IQUB: variants seen among roughly 807,000 people sequenced by gnomAD.
IQUB encodes IQ motif and ubiquitin-like domain-containing protein.
IQUB carries 86 observed loss-of-function variants against 86.4 expected under a neutral mutation model. That is an observed-to-expected ratio of 1.00 (90% CI 0.84 to 1.19). The LOEUF (loss-of-function observed/expected upper bound fraction) is 1.19. Ranked by LOEUF, IQUB falls within the 50% of genes most tolerant of loss-of-function variation. The probability of loss-of-function intolerance (pLI) is 0.00; values close to 1 mark genes in which losing one functional copy is unlikely to be tolerated. For missense variants in IQUB, 946 were observed against 916.9 expected (o/e 1.03, Z -0.41); for synonymous variants, 289 against 304.5 (o/e 0.95, Z 0.53).
intron 8 of IQUB, among the ~76,000 whole-genome samples, chr7:123,476,892 A>G (rs1196816317): frequency 6.6e-6 from 1 of 152,078 alleles, no homozygotes; most frequent in Non-Finnish European, 1.5e-5. Flanking sequence ...GATGTAAAGG[A>G]CCTCTTCAAG....
At chr7:123,508,509 T>A (rs1260535667) in intron 3 of IQUB, among the ~76,000 whole-genome samples, 1 of 152,180 alleles carries the variant, frequency 6.6e-6, no homozygotes, top group East Asian at 1.9e-4. Context: ...AGAAAGCACT[T>A]TAGAGGATGC....
At chr7:123,490,256 T>C (rs1795397575) in intron 7 of IQUB, among the ~76,000 whole-genome samples, 1 of 152,084 alleles carries the variant, frequency 6.6e-6, no homozygotes, top group Non-Finnish European at 1.5e-5. Flanking sequence ...GACATATCAA[T>C]ATCAGGCAAA....
At chr7:123,479,223 G>T (rs1794889417) in intron 8 of IQUB, among the ~76,000 whole-genome samples, 1 of 152,104 alleles carries the variant, frequency 6.6e-6, no homozygotes, top group South Asian at 2.1e-4. Flanking sequence ...TATGGAAACA[G>T]ACTATTCAAT....
At chr7:123,473,124 G>T (rs149040126) in intron 8 of IQUB, among the ~76,000 whole-genome samples, 48 of 152,216 alleles carry the variant, frequency 3.2e-4, no homozygotes, top group African/African-American at 1.1e-3. Flanking sequence ...TAATTATCAA[G>T]CCCCTAAGGA....
At chr7:123,528,116 G>C (rs1281291841) in intron 1 of IQUB, among the ~76,000 whole-genome samples, 1 of 152,216 alleles carries the variant, frequency 6.6e-6, no homozygotes, top group Non-Finnish European at 1.5e-5. Context: ...GACTAGGAAA[G>C]GGAACTCCCT....
rs180698402 is a variant in IQUB, at chr7:123,527,316, G to A, written c.-5+7176C>T. 3.7e-3 allele frequency among the ~76,000 whole-genome samples: 567 copies of A among 152,278 alleles called. 27 individuals are homozygous for A. In the East Asian group the frequency reaches 0.099, roughly 27 times the overall value. On this transcript the variant is annotated intron_variant, in intron 1 of 12. Coordinates refer to ENST00000324698, the MANE Select transcript of IQUB (RefSeq NM_178827.5). ...GTCTGAAGCCTTCTTCTCTCAGCTC[G>A]TCAAAGTCATTCTCCATCCAGCTTT...
chr7:123,462,680 T>TTTTG (rs1270187271), intron 10 of IQUB: 4 of 287,096 alleles, frequency 1.4e-5, no homozygotes, highest in South Asian at 1.3e-4. Flanking sequence ...GATTTACACA[T>TTTTG]TTTGTTTATC....
rs1584632036 is a variant in IQUB, at chr7:123,512,041, T to C, written c.300A>G (p.Ala100=). The C allele has an allele frequency of 4.3e-6, 7 of 1,613,718 alleles. No homozygotes were observed. In the South Asian group the frequency reaches 6.6e-5, roughly 15 times the overall value. ...YTPQHHEKQY[A]MQRPNDDSLA... ...AACTATCATCATTTGGCCTCTGCAT[T>C]GCATATTGCTTTTCATGATGTTGCG... is the stretch of plus-strand genomic sequence containing the variant. Residue 100 remains alanine (A), a synonymous_variant, in exon 2 of 13, where the codon GCA becomes GCG. Coordinates refer to ENST00000324698, the MANE Select transcript of IQUB (RefSeq NM_178827.5).
At chr7:123,528,178 G>T (rs980584629) in intron 1 of IQUB, among the ~76,000 whole-genome samples, 1 of 152,066 alleles carries the variant, frequency 6.6e-6, no homozygotes, top group Non-Finnish European at 1.5e-5. Flanking sequence ...TTCGGCTCGC[G>T]CACGGTGCAC....
At chr7:123,499,630 G>A (rs1795852664) in intron 6 of IQUB, among the ~76,000 whole-genome samples, 1 of 152,138 alleles carries the variant, frequency 6.6e-6, no homozygotes, top group Admixed American at 6.5e-5. Context: ...AGAAAGGAGG[G>A]GGCAGAAAAT....
intron 7 of IQUB, among the ~76,000 whole-genome samples, chr7:123,485,336 A>G (rs1795173966): frequency 1.3e-5 from 2 of 152,074 alleles, no homozygotes; most frequent in African/African-American, 4.8e-5. Context: ...TACACCAGTT[A>G]TATTGGATTA....
At chr7:123,505,695 G>A (rs1796148003) in intron 3 of IQUB, among the ~76,000 whole-genome samples, 1 of 152,160 alleles carries the variant, frequency 6.6e-6, no homozygotes, top group African/African-American at 2.4e-5. Context: ...TTCCCTCCTA[G>A]GCCTCCAGGC....
chr7:123,518,380 A>G (rs1796745130), intron 1 of IQUB, among the ~76,000 whole-genome samples: 1 of 152,130 alleles, frequency 6.6e-6, no homozygotes, highest in Admixed American at 6.5e-5. Context: ...TTTAAAGAAA[A>G]TCATGCCATG....
At chr7:123,528,595 GGGA>G (rs1243785052) in intron 1 of IQUB, among the ~76,000 whole-genome samples, 2 of 152,080 alleles carry the variant, frequency 1.3e-5, no homozygotes, top group African/African-American at 2.4e-5. Context: ...ATGGGGGATT[GGGA>G]GGAGAACAGA....
chr7:123,472,229 C>A (rs1267137989), intron 8 of IQUB, among the ~76,000 whole-genome samples: 1 of 149,778 alleles, frequency 6.7e-6, no homozygotes, highest in Non-Finnish European at 1.5e-5. Context: ...CAGTGCAAGA[C>A]CCCAACTCAA....
At chr7:123,457,652 G>T in intron 11 of IQUB, 86 bp from the exon 12 acceptor site, 1 of 1,021,132 alleles carries the variant, frequency 9.8e-7, no homozygotes. Flanking sequence ...TTAAATTATA[G>T]AGTATTTTTA....
intron 7 of IQUB, among the ~76,000 whole-genome samples, chr7:123,486,261 A>G (rs759553569): frequency 2.0e-4 from 30 of 152,194 alleles, no homozygotes; most frequent in African/African-American, 6.0e-4. Context: ...CAACAGTGAT[A>G]ATAATGCTTT....
At position 123,533,367 on chromosome 7, in the gene IQUB, A is replaced by C. The variant is rs76257706; in HGVS notation, c.-5+1125T>G. On this transcript the variant is annotated intron_variant, in intron 1 of 12. Transcript: ENST00000324698. ...ACTGTTTTCTATTATAGCCCCAAGA[A>C]GTTCCCCTTGACTGTTTCCTTACAT... Among the ~76,000 whole-genome samples the C allele has an allele frequency of 6.0e-3, 919 of 152,298 alleles. 10 individuals are homozygous for C. The highest frequency in any genetic ancestry group is 0.021 in the African/African-American group (872 of 41,544).
intron 8 of IQUB, among the ~76,000 whole-genome samples, chr7:123,470,531 T>C (rs921422787): frequency 3.3e-5 from 5 of 152,098 alleles, no homozygotes; most frequent in African/African-American, 1.2e-4. Context: ...ACTAACCAAA[T>C]AGAGACATTA....
Sources: gnomAD v4.1 joint callset for allele counts (sites outside exome capture counted in the v4.1 genomes callset) on GRCh38, gnomAD v4.1.1 for gene constraint, MANE v1.5 for transcripts, NCBI Gene and HGNC (gene_info 2026-07-23, HGNC 2026-07-21) for gene names.